Variants in SHISA9 observed in about 807,000 individuals in gnomAD.
The protein encoded by SHISA9 is shisa family member 9.
In SHISA9, 13 loss-of-function variants were observed where a neutral mutation model predicts 38.0. The ratio of observed to expected loss-of-function variants is 0.34; its 90% confidence interval spans 0.22 to 0.54. The LOEUF is 0.54. Ranked by LOEUF, SHISA9 falls within the 20% of genes least tolerant of loss-of-function variation. SHISA9 has a pLI of 0.91. For missense variants in SHISA9, 538 were observed against 575.8 expected (o/e 0.93, Z 0.67); for synonymous variants, 275 against 242.0 (o/e 1.14, Z -1.27).
chr16:13,104,253 A>T (rs1410330628), intron 2 of SHISA9, among the ~76,000 whole-genome samples: 1 of 152,094 alleles, frequency 6.6e-6, no homozygotes, highest in Non-Finnish European at 1.5e-5. Context: ...TTGGGTGGGA[A>T]TGTAAAATGG....
intron 2 of SHISA9, among the ~76,000 whole-genome samples, chr16:13,046,118 A>G (rs182123658): frequency 8.6e-4 from 130 of 151,584 alleles, no homozygotes; most frequent in African/African-American, 3.0e-3. Flanking sequence ...TATCTACCCC[A>G]CTCCCTGCCT....
intron 2 of SHISA9, among the ~76,000 whole-genome samples, chr16:13,088,316 G>T (rs2073736393): frequency 6.6e-6 from 1 of 152,000 alleles, no homozygotes; most frequent in Non-Finnish European, 1.5e-5. Flanking sequence ...CTCTTTTGTG[G>T]TTCCATATGT....
At chr16:12,908,750 A>G (rs1215762791) in intron 1 of SHISA9, 4 of 1,413,204 alleles carry the variant, frequency 2.8e-6, no homozygotes, top group African/African-American at 2.9e-5. Flanking sequence ...TGCTTTCTAT[A>G]TCGGCCCCGG....
At chr16:13,542,182 G>A in the SHISA9 span, among the ~76,000 whole-genome samples, 1 of 152,144 alleles carries the variant, frequency 6.6e-6, no homozygotes, top group Admixed American at 6.5e-5. Context: ...AGCCTTCAGA[G>A]GGAGCATGCC....
In SHISA9 at chr16:13,019,949, T is replaced by C. The variant is rs1195036923; in HGVS notation, c.691+103134T>C. Among the ~76,000 whole-genome samples the C allele has an allele frequency of 9.5e-3, 751 of 79,438 alleles. 36 individuals are homozygous for C. The highest frequency in any genetic ancestry group is 0.012 in the Non-Finnish European group (435 of 37,704). 52.1% of individuals were successfully genotyped at this position (79,438 alleles called of 152,430 possible). ...TTTCTTTCTTTCTTTCTTTCTTTCT[T>C]TCTTTCTTTCCCTCCTTCTTTCCTT... On this transcript the variant is annotated intron_variant, in intron 2 of 4. Coordinates refer to ENST00000558583, the MANE Select transcript of SHISA9 (RefSeq NM_001145204.3).
chr16:13,412,208 T>G, the SHISA9 span, among the ~76,000 whole-genome samples: 19 of 152,250 alleles, frequency 1.2e-4, no homozygotes, highest in African/African-American at 3.6e-4. Flanking sequence ...CAATGAGAAA[T>G]GATATCCAAC....
At chr16:12,963,208 A>C (rs2071933591) in intron 2 of SHISA9, among the ~76,000 whole-genome samples, 1 of 152,190 alleles carries the variant, frequency 6.6e-6, no homozygotes, top group African/African-American at 2.4e-5. Context: ...GTTGTGAGAT[A>C]ATGTGTGCCT....
chr16:13,294,910 G>A, the SHISA9 span, among the ~76,000 whole-genome samples: 2,749 of 152,224 alleles, frequency 0.018, 76 homozygotes, highest in African/African-American at 0.062. Flanking sequence ...TGCAGTAACC[G>A]TTCTAACATT....
intron 2 of SHISA9, among the ~76,000 whole-genome samples, chr16:13,093,129 G>A (rs1182567117): frequency 6.6e-6 from 1 of 152,212 alleles, no homozygotes; most frequent in Non-Finnish European, 1.5e-5. Flanking sequence ...TGGCAGCAGA[G>A]GAGTTGGAAA....
At chr16:13,301,152 C>T in the SHISA9 span, among the ~76,000 whole-genome samples, 4 of 152,226 alleles carry the variant, frequency 2.6e-5, no homozygotes, top group East Asian at 1.9e-4. Flanking sequence ...TTTGTGGTGC[C>T]GACCATCTCA....
At chr16:13,458,566 C>T in the SHISA9 span, 1 of 419,186 alleles carries the variant, frequency 2.4e-6, no homozygotes, top group Non-Finnish European at 4.8e-6. Context: ...TGAACTTGAA[C>T]AGAAGGTGAA....
In SHISA9 at chr16:13,235,586, T is replaced by A; in HGVS notation, c.*177T>A. ...TCGCGCTTTTCCTAGGTCATGCCTG[T>A]AACGTGTCGGCGGGCAGCTGAGAAA... is the stretch of plus-strand genomic sequence containing the variant. On this transcript the variant is annotated 3_prime_UTR_variant, in exon 5 of 5. Transcript: ENST00000558583. The A allele has an allele frequency of 2.5e-6, 2 of 789,552 alleles. No individual in the cohort carries two copies. The highest frequency in any genetic ancestry group is 3.8e-6 in the Non-Finnish European group (2 of 519,748). The allele number at this position is 789,552 out of a possible 1,614,324, so 48.9% of individuals were successfully genotyped here.
chr16:12,944,246 T>C (rs1478335681), intron 2 of SHISA9, among the ~76,000 whole-genome samples: 1 of 152,248 alleles, frequency 6.6e-6, no homozygotes, highest in Non-Finnish European at 1.5e-5. Context: ...ACCTAGGAGA[T>C]GCTCAATAAA....
chr16:13,038,462 G>T (rs554218644), intron 2 of SHISA9, among the ~76,000 whole-genome samples: 1 of 152,246 alleles, frequency 6.6e-6, no homozygotes, highest in African/African-American at 2.4e-5. Flanking sequence ...ACTCTCCTTT[G>T]CTCTATTCCA....
At chr16:13,367,261 G>T in the SHISA9 span, among the ~76,000 whole-genome samples, 7 of 149,966 alleles carry the variant, frequency 4.7e-5, no homozygotes, top group African/African-American at 1.2e-4. Context: ...TTGAATGTCA[G>T]ACATCCTGCA....
chr16:13,299,693 A>T, the SHISA9 span, among the ~76,000 whole-genome samples: 4 of 149,882 alleles, frequency 2.7e-5, no homozygotes, highest in Non-Finnish European at 5.9e-5. Context: ...AGCCTGGGCG[A>T]CAGAGTGAGC....
the SHISA9 span, among the ~76,000 whole-genome samples, chr16:13,274,877 T>C: frequency 6.6e-6 from 1 of 152,164 alleles, no homozygotes; most frequent in Non-Finnish European, 1.5e-5. Context: ...GAGAATTCAA[T>C]CAATTGTCCT....
chr16:12,946,490 GA>G (rs1437568511), intron 2 of SHISA9, among the ~76,000 whole-genome samples: 1 of 152,212 alleles, frequency 6.6e-6, no homozygotes, highest in African/African-American at 2.4e-5. Flanking sequence ...GGAGAGCAAG[GA>G]AGGAAGGTAG....
At chr16:13,131,994 C>T (rs2050310538) in intron 2 of SHISA9, among the ~76,000 whole-genome samples, 1 of 152,168 alleles carries the variant, frequency 6.6e-6, no homozygotes, top group African/African-American at 2.4e-5. Context: ...AGCTTTTTTC[C>T]TGCAAAAACC....
Sources: allele counts gnomAD v4.1 joint callset (sites outside exome capture counted in the v4.1 genomes callset), GRCh38; gene constraint gnomAD v4.1.1; transcripts MANE v1.5; gene names NCBI Gene and HGNC (gene_info 2026-07-23, HGNC 2026-07-21).